Variants in ANAPC5 observed in about 807,000 individuals in gnomAD.
The protein encoded by ANAPC5 is anaphase promoting complex subunit 5.
A neutral mutation model predicts 91.3 loss-of-function variants in ANAPC5; 60 were observed. The observed-to-expected ratio is 0.66, with a 90% CI of 0.53 to 0.81. ANAPC5 has a LOEUF of 0.81. Ranked by LOEUF, ANAPC5 falls within the 40% of genes least tolerant of loss-of-function variation. The probability of loss-of-function intolerance (pLI) is 0.00; values close to 1 mark genes in which losing one functional copy is unlikely to be tolerated. For synonymous variants in ANAPC5, 340 were observed against 364.1 expected (o/e 0.93, Z 0.75); for missense variants, 690 against 931.5 (o/e 0.74, Z 3.37).
chr12:121,335,412 C>T (rs781961401), intron 7 of ANAPC5, 121 bp downstream of exon 7: 72 of 1,123,420 alleles, frequency 6.4e-5, no homozygotes, highest in Non-Finnish European at 4.9e-5. Flanking sequence ...GTGATCCACC[C>T]GCCTTGGCCT....
intron 9 of ANAPC5, 127 bp downstream of exon 9, chr12:121,330,456 G>A: frequency 2.9e-6 from 2 of 688,434 alleles, no homozygotes; most frequent in South Asian, 2.0e-5. Flanking sequence ...ATATGAAACT[G>A]CCAAGAATAA....
Position 121,345,900 on chromosome 12 carries a change from G to T in ANAPC5, c.529C>A (p.Leu177Met). The part of the protein sequence containing the change: ...KKTVEDADME[L>M]TSRDEGERKM... ...CTTTCACCCTCATCTCTACTGGTCA[G>T]TTCCATATCAGCATCCTCCACTGTC... Residue 177 changes from leucine to methionine, a missense_variant, in exon 4 of 17, where the codon CTG becomes ATG. By Grantham distance (15) the Leu-to-Met change is conservative. Around this residue, in one of 5 missense-constraint regions of ANAPC5, gnomAD observed 238 missense variants for 264.9 expected, o/e 0.90. Transcript: ENST00000261819. The T allele has an allele frequency of 6.2e-7, 1 of 1,614,150 alleles. No individual in the cohort carries two copies. The highest frequency in any genetic ancestry group is 8.5e-7 in the Non-Finnish European group (1 of 1,180,026).
chr12:121,348,623 C>T (rs1903764101), intron 1 of ANAPC5, among the ~76,000 whole-genome samples: 1 of 152,092 alleles, frequency 6.6e-6, no homozygotes, highest in African/African-American at 2.4e-5. Context: ...CAAGATCACG[C>T]CATTGCACTC....
chr12:121,309,942 C>G, intron 15 of ANAPC5, 79 bp from the exon 16 acceptor site: 1 of 1,415,092 alleles, frequency 7.1e-7, no homozygotes, highest in Non-Finnish European at 9.5e-7. Context: ...TCTGGCAGTT[C>G]TCTCCTGAAT....
In ANAPC5 at chr12:121,320,489, A is replaced by C; in HGVS notation, c.1441-30T>G. On this transcript the variant is annotated intron_variant, in intron 11 of 16. Transcript: ENST00000261819. ...AGTAGAAACACACAATTTGATCAGCATAACCTGTGTTGAATCCACACCTGC... is the reference window on the plus strand; with the variant it reads ...AGTAGAAACACACAATTTGATCAGCCTAACCTGTGTTGAATCCACACCTGC... 4 of 1,605,678 alleles carry C rather than the reference A, an allele frequency of 2.5e-6. No homozygotes were observed. The East Asian group carries it at 8.9e-5, about 36-fold the overall frequency.
At chr12:121,335,173 C>CT (rs1156842370) in intron 7 of ANAPC5, 38 of 155,992 alleles carry the variant, frequency 2.4e-4, no homozygotes, top group South Asian at 6.2e-4. Context: ...TTTATTTTTT[C>CT]TTTTTTTTTG....
At chr12:121,344,646 G>T (rs186583704) in intron 4 of ANAPC5, among the ~76,000 whole-genome samples, 134 of 152,102 alleles carry the variant, frequency 8.8e-4, no homozygotes, top group Non-Finnish European at 1.2e-3. Context: ...TGGTCAGGGA[G>T]GCCCGTCTGA....
At chr12:121,318,786 C>T (rs1302140200) in intron 13 of ANAPC5, among the ~76,000 whole-genome samples, 178 bp from the exon 14 acceptor site, 4 of 151,966 alleles carry the variant, frequency 2.6e-5, no homozygotes, top group Non-Finnish European at 4.4e-5. Flanking sequence ...TTTGGGAGGC[C>T]GAGGCGGGCG....
At chr12:121,343,646 A>G (rs1555274329) in intron 4 of ANAPC5, among the ~76,000 whole-genome samples, 1 of 152,214 alleles carries the variant, frequency 6.6e-6, no homozygotes, top group African/African-American at 2.4e-5. Context: ...TGCTCTCAAT[A>G]TGTGCTGAAC....
At position 121,337,363 on chromosome 12, in the gene ANAPC5, C is replaced by T. The variant is rs1555273607; in HGVS notation, c.687G>A (p.Lys229=). The part of the protein sequence containing the change: ...QASLLKNDET[K]ALTPASLQKE... ...TCTGCAAGGAAGCTGGAGTGAGGGC[C>T]TTAGTCTCATCATTCTTTAGCAAAG... Residue 229 remains lysine, a synonymous_variant, in exon 6 of 17, where the codon AAG becomes AAA. Transcript: ENST00000261819. 3.1e-6 allele frequency: 5 copies of T among 1,613,566 alleles called. No homozygotes were observed. In the African/African-American group the frequency reaches 5.3e-5, roughly 17 times the overall value.
intron 11 of ANAPC5, chr12:121,321,119 C>G (rs1306397353): frequency 6.6e-6 from 1 of 151,578 alleles, no homozygotes; most frequent in Non-Finnish European, 1.5e-5. Context: ...CGTGGTGGCT[C>G]ATGCCTGTAA....
chr12:121,342,114 G>T lies in ANAPC5; in HGVS notation c.591-45C>A. 1 of 1,364,986 alleles carries T rather than the reference G, an allele frequency of 7.3e-7. No individual in the cohort carries two copies. The highest frequency in any genetic ancestry group is 1.0e-6 in the Non-Finnish European group (1 of 985,224). The allele number at this position is 1,364,986 out of a possible 1,614,324, so 84.6% of individuals were successfully genotyped here. Reference sequence around the variant, plus strand: ...AAAAATAGTAAAGAATTACACAAAAGTAAAAATGATAACATTTATAAAATC... The same window carrying T: ...AAAAATAGTAAAGAATTACACAAAATTAAAAATGATAACATTTATAAAATC... On this transcript the variant is annotated intron_variant, in intron 4 of 16. Transcript: ENST00000261819. The surrounding 1 kb of genome is among the most constrained non-coding windows in gnomAD (Gnocchi z 4.1).
At position 121,331,526 on chromosome 12, in the gene ANAPC5, G is replaced by T. The variant is rs1903043265; in HGVS notation, c.951-98C>A. The T allele has an allele frequency of 3.0e-6, 3 of 996,608 alleles. No individual in the cohort carries two copies. In the South Asian group the frequency reaches 4.8e-5, roughly 16 times the overall value. The allele number at this position is 996,608 out of a possible 1,614,324, so 61.7% of individuals were successfully genotyped here. The stretch of plus-strand genomic sequence containing the variant: ...TCTGTACACAGTCATCCAAATGCAG[G>T]TCTCTGGGTTGGAAGCTGTAACTAT... On this transcript the variant is annotated intron_variant, in intron 7 of 16. Coordinates refer to ENST00000261819, the MANE Select transcript of ANAPC5 (RefSeq NM_016237.5).
chr12:121,328,449 C>A lies in ANAPC5; in HGVS notation c.1171G>T (p.Ala391Ser). 1 of 1,613,900 alleles carries A rather than the reference C, an allele frequency of 6.2e-7. No individual in the cohort carries two copies. Among genetic ancestry groups the A allele is most frequent in the Non-Finnish European group, 8.5e-7 (1 of 1,179,990 alleles). Residue 391 changes from alanine (A) to serine (S), a missense_variant, in exon 10 of 17, where the codon GCT (alanine) becomes TCT (serine). Physicochemically the swap from Ala to Ser is moderately conservative, Grantham distance 99 (BLOSUM62 1). Transcript: ENST00000261819. ...ATCAGCTTGTTTGCCGTCTTCCCAG[C>A]AAAAGCTCTCTGTTGAACAAGGGAC... Reference protein sequence around the residue: ...IQSLVQQRAFAGKTANKLMDA... With the variant: ...IQSLVQQRAFSGKTANKLMDA...
intron 10 of ANAPC5, chr12:121,327,560 T>A (rs1902869825): frequency 3.6e-6 from 1 of 275,778 alleles, no homozygotes; most frequent in African/African-American, 2.5e-5. Context: ...CCCGATGCCA[T>A]CCTGGCACAG....
intron 1 of ANAPC5, among the ~76,000 whole-genome samples, chr12:121,349,802 G>T (rs984427733): frequency 6.6e-6 from 1 of 150,768 alleles, no homozygotes; most frequent in South Asian, 2.1e-4. Context: ...CCACCTCCTG[G>T]GTTCAAATGA....
At chr12:121,352,718 T>TTGTTGTTGTTGGTGG (rs71079056), upstream of ANAPC5, among the ~76,000 whole-genome samples, 85 of 102,440 alleles carry the variant, frequency 8.3e-4, 1 homozygote, top group Middle Eastern at 4.5e-3. Context: ...GTTGTTGTTG[T>TTGTTGTTGTTGGTGG]TGGTGGTGGT....
intron 15 of ANAPC5, among the ~76,000 whole-genome samples, chr12:121,314,956 T>C (rs548817075): frequency 1.3e-5 from 2 of 152,110 alleles, no homozygotes; most frequent in East Asian, 3.9e-4. Context: ...ATTCAACATG[T>C]ATTGGAAGTT....
chr12:121,346,053 A>G, intron 3 of ANAPC5, 22 bp from the exon 4 acceptor site: 1 of 1,583,290 alleles, frequency 6.3e-7, no homozygotes, highest in Non-Finnish European at 8.6e-7. Context: ...GACGAGAGAC[A>G]AGGGGAAAGC....
Sources: gnomAD v4.1 joint callset for allele counts (sites outside exome capture counted in the v4.1 genomes callset) on GRCh38, gnomAD v4.1.1 for gene constraint, gnomAD v4.1.1 regional missense constraint, Gnocchi (gnomAD v3.1) non-coding constraint, MANE v1.5 for transcripts, NCBI Gene and HGNC (gene_info 2026-07-23, HGNC 2026-07-21) for gene names.